The following ADGRL3 variants were observed in gnomAD, a reference collection of about 807,000 sequenced individuals.
The protein encoded by ADGRL3 is calcium-independent alpha-latrotoxin receptor 3.
ADGRL3 carries 62 observed loss-of-function variants against 153.5 expected under a neutral mutation model. The ratio of observed to expected loss-of-function variants is 0.40; its 90% CI spans 0.33 to 0.50. The LOEUF (loss-of-function observed/expected upper bound fraction) is 0.50, where lower values mean the gene tolerates loss of function less well. Among genes scored for constraint, ADGRL3 ranks in the 20% least tolerant of loss-of-function variants. The pLI is 0.47. For missense variants in ADGRL3, 1,641 were observed against 1,859.4 expected, an observed-to-expected ratio of 0.88 and a Z score of 2.16; for synonymous variants, 710 against 672.5, an observed-to-expected ratio of 1.06 and a Z score of -0.86.
intron 2 of ADGRL3, among the ~76,000 whole-genome samples, chr4:61,449,461 A>G (rs1396195674): frequency 6.6e-6 from 1 of 151,876 alleles, no homozygotes; most frequent in Non-Finnish European, 1.5e-5. Flanking sequence ...TTTTTAAGTG[A>G]AATACTATTT....
At chr4:61,499,001 G>A (rs763396612) in intron 3 of ADGRL3, among the ~76,000 whole-genome samples, 1 of 152,092 alleles carries the variant, frequency 6.6e-6, no homozygotes, top group Non-Finnish European at 1.5e-5. Flanking sequence ...CACTGCTTAG[G>A]TCTCAGAATA....
At chr4:61,272,086 A>G (rs1356421281) in intron 1 of ADGRL3, among the ~76,000 whole-genome samples, 1 of 151,836 alleles carries the variant, frequency 6.6e-6, no homozygotes, top group East Asian at 1.9e-4. Flanking sequence ...TAATTTGGAT[A>G]TGTGATTATT....
intron 1 of ADGRL3, among the ~76,000 whole-genome samples, chr4:61,249,465 G>T (rs1463651731): frequency 6.6e-6 from 1 of 152,090 alleles, no homozygotes; most frequent in African/African-American, 2.4e-5. Context: ...TTTGACTCTG[G>T]CGTTCATTCT....
chr4:61,784,213 C>T (rs570703263), intron 8 of ADGRL3, among the ~76,000 whole-genome samples: 49 of 152,064 alleles, frequency 3.2e-4, no homozygotes, highest in Admixed American at 1.6e-3. Context: ...CCCGAATAGA[C>T]CAGATGATAA....
chr4:61,428,852 TATCTATCTATCTATCTATCTATATC>T (rs1331717006), intron 2 of ADGRL3, among the ~76,000 whole-genome samples: 171 of 110,796 alleles, frequency 1.5e-3, no homozygotes, highest in African/African-American at 2.9e-3. Flanking sequence ...TCTATCTATC[TATCTATCTATCTATCTATCTATATC>T]ATCTATCTAT....
At chr4:61,965,886 T>C (rs2099004759) in intron 17 of ADGRL3, among the ~76,000 whole-genome samples, 1 of 152,196 alleles carries the variant, frequency 6.6e-6, no homozygotes, top group Admixed American at 6.5e-5. Flanking sequence ...AATTTAAAGA[T>C]CTCCTATAGT....
intron 1 of ADGRL3, among the ~76,000 whole-genome samples, chr4:61,314,421 C>T (rs1477881475): frequency 6.6e-6 from 1 of 152,088 alleles, no homozygotes; most frequent in Non-Finnish European, 1.5e-5. Flanking sequence ...GTTGTTCAGG[C>T]TGGTCTCGAA....
At chr4:61,304,380 C>G (rs2094695260) in intron 1 of ADGRL3, among the ~76,000 whole-genome samples, 1 of 152,204 alleles carries the variant, frequency 6.6e-6, no homozygotes. Context: ...ATATTATTGA[C>G]TAAAGTGATT....
At chr4:61,574,756 A>G (rs1454876994) in intron 4 of ADGRL3, among the ~76,000 whole-genome samples, 4 of 151,848 alleles carry the variant, frequency 2.6e-5, no homozygotes, top group African/African-American at 9.7e-5. Flanking sequence ...CTAGGCATTG[A>G]AAGGATTCTT....
At chr4:61,578,127 T>C (rs980225351) in intron 4 of ADGRL3, among the ~76,000 whole-genome samples, 1 of 152,106 alleles carries the variant, frequency 6.6e-6, no homozygotes, top group East Asian at 1.9e-4. Context: ...TGGTGTGATA[T>C]TCTTGTATTT....
At chr4:61,962,740 TG>T (rs1184771435) in intron 17 of ADGRL3, among the ~76,000 whole-genome samples, 2 of 152,174 alleles carry the variant, frequency 1.3e-5, no homozygotes, top group Non-Finnish European at 2.9e-5. Flanking sequence ...AAAGTTACAT[TG>T]TACAGAAACA....
intron 1 of ADGRL3, among the ~76,000 whole-genome samples, chr4:61,228,596 C>T (rs1749047121): frequency 6.6e-6 from 1 of 152,164 alleles, no homozygotes; most frequent in South Asian, 2.1e-4. Context: ...CAAACCATGA[C>T]AGATGAAAAT....
At chr4:62,064,690 G>A (rs1742025912) in intron 25 of ADGRL3, among the ~76,000 whole-genome samples, 1 of 150,848 alleles carries the variant, frequency 6.6e-6, no homozygotes, top group Admixed American at 6.6e-5. Context: ...TTCTTTCTCG[G>A]TCACAGGTGA....
At chr4:61,843,829 T>C (rs570350194) in intron 9 of ADGRL3, among the ~76,000 whole-genome samples, 1 of 151,914 alleles carries the variant, frequency 6.6e-6, no homozygotes, top group Non-Finnish European at 1.5e-5. Flanking sequence ...CTGGGCAACA[T>C]AGCAAGAGCT....
intron 1 of ADGRL3, among the ~76,000 whole-genome samples, chr4:61,360,873 G>A (rs2096272102): frequency 6.6e-6 from 1 of 152,146 alleles, no homozygotes; most frequent in South Asian, 2.1e-4. Context: ...TGAAATTTAT[G>A]TATCACATTC....
At chr4:61,935,120 C>A in intron 14 of ADGRL3, 97 bp downstream of exon 14, 1 of 975,096 alleles carries the variant, frequency 1.0e-6, no homozygotes, top group South Asian at 1.6e-5. Flanking sequence ...ATGAGTGATG[C>A]TTTATTTCAA....
rs1744045395 is a variant in ADGRL3 at position 62,068,269 on chromosome 4, T to A, written c.3832+86T>A. 6 of 1,209,450 alleles carry A rather than the reference T, an allele frequency of 5.0e-6. 1 individual carries two copies. The South Asian group carries it at 8.7e-5, about 18-fold the overall frequency. 74.9% of individuals were successfully genotyped at this position (1,209,450 alleles called of 1,614,324 possible). Reference sequence around the variant, plus strand: ...GCATCACATATAGATGATGTAGTTATTAAAAACAGTTCATCTCACAATTTA... The same window carrying A: ...GCATCACATATAGATGATGTAGTTAATAAAAACAGTTCATCTCACAATTTA... On this transcript the variant is annotated intron_variant, in intron 26 of 26. Coordinates refer to ENST00000683033, the MANE Select transcript of ADGRL3 (RefSeq NM_001387552.1).
intron 2 of ADGRL3, among the ~76,000 whole-genome samples, chr4:61,482,458 C>T (rs1357165621): frequency 6.6e-6 from 1 of 152,130 alleles, no homozygotes; most frequent in Non-Finnish European, 1.5e-5. Flanking sequence ...AACAATGACA[C>T]TATATATCTT....
intron 1 of ADGRL3, among the ~76,000 whole-genome samples, chr4:61,348,606 G>T (rs201688304): frequency 6.6e-6 from 1 of 151,936 alleles, no homozygotes; most frequent in Non-Finnish European, 1.5e-5. Flanking sequence ...ACAGAATTAA[G>T]GTTATTTAAT....
Sources: gnomAD v4.1 joint callset for allele counts (sites outside exome capture counted in the v4.1 genomes callset) on GRCh38, gnomAD v4.1.1 for gene constraint, MANE v1.5 for transcripts, NCBI Gene and HGNC (gene_info 2026-07-23, HGNC 2026-07-21) for gene names.